Variants in PIP5K1B observed in about 807,000 individuals in gnomAD.
PIP5K1B encodes the protein phosphatidylinositol-4-phosphate 5-kinase type 1 beta, also known as phosphatidylinositol 4-phosphate 5-kinase type-1 beta.
PIP5K1B carries 42 observed loss-of-function variants against 67.0 expected under a neutral mutation model. That is an observed-to-expected ratio of 0.63 (90% CI 0.49 to 0.81). The LOEUF (loss-of-function observed/expected upper bound fraction) is 0.81. PIP5K1B is among the 30% of genes least tolerant of loss of function. The probability of loss-of-function intolerance (pLI) is 0.00; values close to 1 mark genes in which losing one functional copy is unlikely to be tolerated. For synonymous variants in PIP5K1B, 214 were observed against 231.4 expected (o/e 0.92, Z 0.68); for missense variants, 459 against 646.3 (o/e 0.71, Z 3.14).
At chr9:68,978,203 A>G (rs1365366015) in intron 14 of PIP5K1B, among the ~76,000 whole-genome samples, 2 of 152,190 alleles carry the variant, frequency 1.3e-5, no homozygotes, top group Non-Finnish European at 2.9e-5. Flanking sequence ...CGTGATTATT[A>G]ACTATGGTCA....
intron 2 of PIP5K1B, among the ~76,000 whole-genome samples, chr9:68,796,064 GCACTTCATGTAT>G (rs1426807788): frequency 1.3e-5 from 2 of 152,168 alleles, no homozygotes; most frequent in Non-Finnish European, 2.9e-5. Context: ...GCCATTGTTT[GCACTTCATGTAT>G]ATTGTTCCAG....
chr9:68,975,188 C>T (rs1461102469), intron 14 of PIP5K1B, among the ~76,000 whole-genome samples: 1 of 152,204 alleles, frequency 6.6e-6, no homozygotes, highest in East Asian at 1.9e-4. Context: ...CCCACCCCAG[C>T]CTCCCAAGTG....
intron 11 of PIP5K1B, among the ~76,000 whole-genome samples, chr9:68,922,578 A>T (rs1031241130): frequency 1.3e-5 from 2 of 152,212 alleles, no homozygotes; most frequent in Admixed American, 6.5e-5. Context: ...TGGATAAATG[A>T]TTACTAAATA....
chr9:68,767,655 A>G (rs1034892223), intron 2 of PIP5K1B, among the ~76,000 whole-genome samples: 8 of 152,030 alleles, frequency 5.3e-5, no homozygotes, highest in Middle Eastern at 3.4e-3. Context: ...AAATACCATG[A>G]TCAAGTAGGT....
At position 68,754,175 on chromosome 9, in the gene PIP5K1B, C is replaced by CTTTTTTTTTTTTTTTTTTTTTTTTTT. The variant is rs71353081; in HGVS notation, c.-86+11530_-86+11531insTTTTTTTTTTTTTTTTTTTTTTTTTT. Among the ~76,000 whole-genome samples the CTTTTTTTTTTTTTTTTTTTTTTTTTT allele has an allele frequency of 1.2e-3, 121 of 101,042 alleles. 27 individuals carry two copies. The highest frequency in any genetic ancestry group is 6.8e-3 in the Middle Eastern group (1 of 148). 66.3% of individuals were successfully genotyped at this position (101,042 alleles called of 152,430 possible). ...AGTCTTCTTTTATGTTCCATGATTT[C>CTTTTTTTTTTTTTTTTTTTTTTTTTT]TTTTTTTTTTTTGAGACAGAGTCTC... On this transcript the variant is annotated intron_variant, in intron 2 of 15. Coordinates refer to ENST00000265382, the MANE Select transcript of PIP5K1B (RefSeq NM_003558.4).
intron 11 of PIP5K1B, 56 bp from the exon 12 acceptor site, chr9:68,923,246 G>C (rs1826501158): frequency 3.2e-6 from 3 of 945,194 alleles, no homozygotes; most frequent in Non-Finnish European, 3.4e-6. Context: ...TCTCTCTTCT[G>C]ACTTGAGATG....
At chr9:68,802,835 G>A (rs1013562479) in intron 2 of PIP5K1B, among the ~76,000 whole-genome samples, 1 of 152,188 alleles carries the variant, frequency 6.6e-6, no homozygotes, top group Non-Finnish European at 1.5e-5. Flanking sequence ...GAGGTCATAC[G>A]CTGTGCCAAA....
chr9:68,774,061 C>T lies in PIP5K1B; in HGVS notation c.-86+31404C>T, dbSNP rs528122492. ...GATACCACTGAGAAGGCAACAGAGCCGACTTTGCTTGAACAAAATACACAA... is the reference window on the plus strand; with the variant it reads ...GATACCACTGAGAAGGCAACAGAGCTGACTTTGCTTGAACAAAATACACAA... On this transcript the variant is annotated intron_variant, in intron 2 of 15. Coordinates refer to ENST00000265382, the MANE Select transcript of PIP5K1B (RefSeq NM_003558.4). 5.3e-4 allele frequency among the ~76,000 whole-genome samples: 81 copies of T among 151,806 alleles called. 1 individual carries two copies. The highest frequency in any genetic ancestry group is 4.2e-4 in the South Asian group (2 of 4,754).
chr9:68,767,952 G>C (rs1274016136), intron 2 of PIP5K1B, among the ~76,000 whole-genome samples: 1 of 151,942 alleles, frequency 6.6e-6, no homozygotes, highest in Non-Finnish European at 1.5e-5. Context: ...AAAAAAAACT[G>C]ACACACATTC....
At chr9:68,800,987 A>C (rs11143761) in intron 2 of PIP5K1B, among the ~76,000 whole-genome samples, 14,778 of 152,230 alleles carry the variant, frequency 0.097, 873 homozygotes, top group Non-Finnish European at 0.14. Flanking sequence ...AAAAGTGTCG[A>C]TCCAAGTTGC....
intron 1 of PIP5K1B, among the ~76,000 whole-genome samples, chr9:68,735,685 C>T (rs1342754102): frequency 2.0e-5 from 3 of 152,098 alleles, no homozygotes; most frequent in South Asian, 2.1e-4. Context: ...CCACTGTGCC[C>T]GGCCACAAAT....
chr9:69,003,483 G>GAAA (rs1564311087), intron 15 of PIP5K1B, among the ~76,000 whole-genome samples: 10 of 151,438 alleles, frequency 6.6e-5, no homozygotes, highest in African/African-American at 2.2e-4. Context: ...AAAAAAGGGG[G>GAAA]GGGGATATCA....
At chr9:68,917,802 G>A in intron 9 of PIP5K1B, 43 bp downstream of exon 9, 4 of 1,415,132 alleles carry the variant, frequency 2.8e-6, no homozygotes, top group South Asian at 1.2e-5. Flanking sequence ...GACTGTGGCA[G>A]CCCACGTCAC....
At chr9:68,811,541 C>T (rs1833166204) in intron 2 of PIP5K1B, among the ~76,000 whole-genome samples, 1 of 152,062 alleles carries the variant, frequency 6.6e-6, no homozygotes, top group Non-Finnish European at 1.5e-5. Context: ...TCTAAACATA[C>T]CCCTCCTACT....
At chr9:68,836,105 A>T (rs1178940917) in intron 4 of PIP5K1B, among the ~76,000 whole-genome samples, 1 of 152,216 alleles carries the variant, frequency 6.6e-6, no homozygotes, top group African/African-American at 2.4e-5. Flanking sequence ...CAGTAGGGTA[A>T]GGGAAGGTGG....
At chr9:68,821,755 T>A (rs751307679) in intron 3 of PIP5K1B, among the ~76,000 whole-genome samples, 9 of 152,242 alleles carry the variant, frequency 5.9e-5, no homozygotes, top group African/African-American at 2.2e-4. Context: ...GATAAAGATA[T>A]AAGCATAAAA....
At chr9:69,000,200 CA>C (rs1338720933) in intron 15 of PIP5K1B, among the ~76,000 whole-genome samples, 1 of 152,104 alleles carries the variant, frequency 6.6e-6, no homozygotes, top group Non-Finnish European at 1.5e-5. Context: ...ACTGTTTAGG[CA>C]GCAATTTTAA....
intron 1 of PIP5K1B, among the ~76,000 whole-genome samples, chr9:68,717,583 CT>C (rs1397472544): frequency 2.6e-5 from 4 of 152,182 alleles, no homozygotes; most frequent in African/African-American, 9.6e-5. Flanking sequence ...TGGCAAACTT[CT>C]TCTAGTACCC....
In PIP5K1B at chr9:69,003,649, T is replaced by C. The variant is rs1269758877; in HGVS notation, c.1621-4798T>C. Among the ~76,000 whole-genome samples, 5 of 152,212 alleles carry C rather than the reference T, an allele frequency of 3.3e-5. No individual in the cohort carries two copies. The East Asian group carries it at 7.7e-4, about 24-fold the overall frequency. On this transcript the variant is annotated intron_variant, in intron 15 of 15. Coordinates refer to ENST00000265382, the MANE Select transcript of PIP5K1B (RefSeq NM_003558.4). ...CCCAGATGTTCAGAAATTCTCGATA[T>C]GTTTGTAAGCCAGTCGGTTGATGGG...
Sources: gnomAD v4.1 joint callset for allele counts (sites outside exome capture counted in the v4.1 genomes callset) on GRCh38, gnomAD v4.1.1 for gene constraint, MANE v1.5 for transcripts, NCBI Gene and HGNC (gene_info 2026-07-23, HGNC 2026-07-21) for gene names.